Variants in HS3ST4 observed in about 807,000 individuals in gnomAD.
HS3ST4 encodes heparan sulfate-glucosamine 3-sulfotransferase 4, also known as heparan sulfate glucosamine 3-O-sulfotransferase 4.
HS3ST4 carries 17 observed loss-of-function variants against 29.2 expected under a neutral mutation model. That is an observed-to-expected ratio of 0.58 (90% CI 0.40 to 0.87). The LOEUF (loss-of-function observed/expected upper bound fraction) is 0.87, where lower values mean the gene tolerates loss of function less well. HS3ST4 is among the 40% of genes least tolerant of loss of function. The pLI is 0.00. For missense variants in HS3ST4, 627 were observed against 634.5 expected (o/e 0.99, Z 0.13); for synonymous variants, 314 against 285.7 (o/e 1.10, Z -1.00).
At chr16:25,717,513 GTGTGTGTGTGTGTGT>G (rs1966463177) in intron 1 of HS3ST4, among the ~76,000 whole-genome samples, 1 of 45,260 alleles carries the variant, frequency 2.2e-5, no homozygotes, top group African/African-American at 1.0e-4. Flanking sequence ...GTGAAGGGGT[GTGTGTGTGTGTGTGT>G]GTGTGTGTGT....
intron 1 of HS3ST4, among the ~76,000 whole-genome samples, chr16:25,714,431 A>T (rs898193622): frequency 6.6e-6 from 1 of 152,220 alleles, no homozygotes; most frequent in Admixed American, 6.5e-5. Context: ...TCTAGTTAAC[A>T]CACCATGCTG....
intron 1 of HS3ST4, among the ~76,000 whole-genome samples, chr16:25,975,894 G>T (rs1201181155): frequency 6.6e-6 from 1 of 152,144 alleles, no homozygotes; most frequent in African/African-American, 2.4e-5. Flanking sequence ...TTTACCAATT[G>T]TTGGACCCCC....
chr16:26,036,808 A>G (rs1172925045), intron 1 of HS3ST4, among the ~76,000 whole-genome samples: 6 of 152,212 alleles, frequency 3.9e-5, no homozygotes, highest in Admixed American at 6.5e-5. Flanking sequence ...CACAGAAACT[A>G]TCTAGAACAA....
At chr16:26,119,909 G>A (rs562617312) in intron 1 of HS3ST4, among the ~76,000 whole-genome samples, 11 of 152,256 alleles carry the variant, frequency 7.2e-5, no homozygotes, top group Admixed American at 2.6e-4. Flanking sequence ...ACAGCAAGCC[G>A]TAGGAAATGA....
At chr16:25,817,032 A>G (rs1967098405) in intron 1 of HS3ST4, among the ~76,000 whole-genome samples, 1 of 152,180 alleles carries the variant, frequency 6.6e-6, no homozygotes, top group African/African-American at 2.4e-5. Flanking sequence ...AGATTTCAAC[A>G]TGTGTTTTGC....
intron 1 of HS3ST4, among the ~76,000 whole-genome samples, chr16:25,893,442 A>G (rs1383680747): frequency 6.6e-6 from 1 of 152,194 alleles, no homozygotes; most frequent in East Asian, 1.9e-4. Flanking sequence ...GCCTTAAGCC[A>G]CATTCAAATC....
chr16:25,836,612 G>A (rs1037636349), intron 1 of HS3ST4, among the ~76,000 whole-genome samples: 3 of 152,172 alleles, frequency 2.0e-5, no homozygotes, highest in African/African-American at 7.2e-5. Context: ...TTGACAATAT[G>A]GAGCTAAAAT....
chr16:25,822,348 G>A lies in HS3ST4; in HGVS notation c.734+129197G>A, dbSNP rs557797445. On this transcript the variant is annotated intron_variant, in intron 1 of 1. Coordinates refer to ENST00000331351, the MANE Select transcript of HS3ST4 (RefSeq NM_006040.3). ...TCCGATTTATGAGTGCTCTACCCTC[G>A]TGACCTCCTCTCCTCCAAAACGCCT... Among the ~76,000 whole-genome samples, 14 of 152,132 alleles carry A rather than the reference G, an allele frequency of 9.2e-5. No homozygotes were observed. The East Asian group carries it at 2.5e-3, about 27-fold the overall frequency.
intron 1 of HS3ST4, among the ~76,000 whole-genome samples, chr16:25,951,805 G>C (rs919319595): frequency 6.6e-6 from 1 of 152,138 alleles, no homozygotes; most frequent in African/African-American, 2.4e-5. Flanking sequence ...CCTAGACCAA[G>C]AGTTGGCAAA....
At chr16:25,924,882 A>G (rs1968387697) in intron 1 of HS3ST4, among the ~76,000 whole-genome samples, 1 of 152,066 alleles carries the variant, frequency 6.6e-6, no homozygotes. Context: ...TCTGGTGTCA[A>G]TTTTACATTG....
intron 1 of HS3ST4, among the ~76,000 whole-genome samples, chr16:26,124,904 T>C (rs1046563061): frequency 6.6e-6 from 1 of 152,222 alleles, no homozygotes; most frequent in Non-Finnish European, 1.5e-5. Context: ...AAAGGGCTTT[T>C]CTCTTTTCTT....
At chr16:25,966,784 A>T (rs772832738) in intron 1 of HS3ST4, among the ~76,000 whole-genome samples, 6 of 151,996 alleles carry the variant, frequency 3.9e-5, no homozygotes, top group Non-Finnish European at 8.8e-5. Flanking sequence ...GGCAGTGGAG[A>T]TGGGAGATAT....
At chr16:25,773,083 G>A (rs944314759) in intron 1 of HS3ST4, among the ~76,000 whole-genome samples, 4 of 152,172 alleles carry the variant, frequency 2.6e-5, no homozygotes, top group African/African-American at 7.2e-5. Context: ...GCCACATACC[G>A]TACTTATATA....
At chr16:25,774,152 A>T (rs1236334273) in intron 1 of HS3ST4, among the ~76,000 whole-genome samples, 1 of 152,226 alleles carries the variant, frequency 6.6e-6, no homozygotes, top group Admixed American at 6.5e-5. Context: ...GGGGAACAGG[A>T]TGAATGAGCT....
intron 1 of HS3ST4, among the ~76,000 whole-genome samples, chr16:26,107,214 G>T (rs1175935559): frequency 1.3e-5 from 2 of 152,012 alleles, no homozygotes; most frequent in Non-Finnish European, 2.9e-5. Context: ...TGGAATTAAA[G>T]AATTTGTTGC....
intron 1 of HS3ST4, among the ~76,000 whole-genome samples, chr16:26,051,548 T>C (rs1321518728): frequency 3.3e-5 from 5 of 152,098 alleles, no homozygotes; most frequent in Admixed American, 3.3e-4. Flanking sequence ...ATTAAATATG[T>C]CAAAGATCAC....
intron 1 of HS3ST4, among the ~76,000 whole-genome samples, chr16:25,701,386 A>AGCAGG (rs1231924153): frequency 1.3e-5 from 2 of 152,150 alleles, no homozygotes; most frequent in Non-Finnish European, 2.9e-5. Flanking sequence ...AGAGTAGAGA[A>AGCAGG]GCAGGGTTCT....
intron 1 of HS3ST4, among the ~76,000 whole-genome samples, chr16:25,915,094 C>A (rs1596612646): frequency 6.6e-6 from 1 of 151,478 alleles, no homozygotes; most frequent in East Asian, 2.0e-4. Context: ...TCGTGACAAC[C>A]AATAACGACT....
chr16:25,912,045 T>G (rs781151171), intron 1 of HS3ST4, among the ~76,000 whole-genome samples: 4 of 152,164 alleles, frequency 2.6e-5, no homozygotes, highest in Non-Finnish European at 5.9e-5. Context: ...CTAAGAGACC[T>G]GCTGATTTAG....
Sources: gnomAD v4.1 joint callset for allele counts (sites outside exome capture counted in the v4.1 genomes callset) on GRCh38, gnomAD v4.1.1 for gene constraint, MANE v1.5 for transcripts, NCBI Gene and HGNC (gene_info 2026-07-23, HGNC 2026-07-21) for gene names.